Variants in MYOF observed in about 807,000 individuals in gnomAD.
MYOF encodes myoferlin, also known as fer-1-like 3, myoferlin.
A neutral mutation model predicts 284.2 loss-of-function variants in MYOF; 244 were observed. That is an observed-to-expected ratio of 0.86 (90% CI 0.77 to 0.95). The LOEUF (loss-of-function observed/expected upper bound fraction) is 0.95, where lower values mean the gene tolerates loss of function less well. MYOF is among the 40% of genes least tolerant of loss of function. The pLI is 0.00. For synonymous variants in MYOF, 904 were observed against 919.7 expected, an observed-to-expected ratio of 0.98 and a Z score of 0.31; for missense variants, 2,496 against 2,560.6, an observed-to-expected ratio of 0.97 and a Z score of 0.54.
chr10:93,399,883 C>CA (rs11443672), intron 12 of MYOF, among the ~76,000 whole-genome samples: 145,407 of 152,012 alleles, frequency 0.96, 69,867 homozygotes, highest in East Asian at 1. Context: ...AACAAACAAA[C>CA]AAAATTAGCC....
rs1221877543 is a variant in MYOF, at chr10:93,310,192, C to G, written c.6000-25G>C. ...ACTGCATTGCAAAGAAACAGTATCA[C>G]CTACCCAACTCAGGAGGGATGCATA... On this transcript the variant is annotated intron_variant, in intron 52 of 53. Transcript: ENST00000359263. The G allele has an allele frequency of 3.1e-6, 5 of 1,611,678 alleles. No individual in the cohort carries two copies. In the African/African-American group the frequency reaches 6.7e-5, roughly 22 times the overall value.
intron 4 of MYOF, among the ~76,000 whole-genome samples, chr10:93,427,818 A>G (rs994314706): frequency 6.6e-6 from 1 of 151,830 alleles, no homozygotes; most frequent in Non-Finnish European, 1.5e-5. Context: ...AAGAGCTGAG[A>G]TCAATTTCTC....
At chr10:93,374,559 C>A (rs1294935543) in intron 23 of MYOF, among the ~76,000 whole-genome samples, 1 of 152,190 alleles carries the variant, frequency 6.6e-6, no homozygotes, top group African/African-American at 2.4e-5. Flanking sequence ...ATCACCAACT[C>A]AAAATTCTTC....
chr10:93,417,232 C>T (rs562726015), intron 5 of MYOF, among the ~76,000 whole-genome samples: 4 of 152,312 alleles, frequency 2.6e-5, no homozygotes, highest in South Asian at 4.1e-4. Flanking sequence ...GACCTGTCTC[C>T]TTTCTGAATA....
intron 52 of MYOF, 46 bp downstream of exon 52, chr10:93,310,488 A>C (rs1458491043): frequency 6.3e-7 from 1 of 1,578,070 alleles, no homozygotes; most frequent in Non-Finnish European, 8.7e-7. Context: ...GGGGGCTCTC[A>C]GCCTGCAGGT....
In MYOF at chr10:93,341,280, C is replaced by CTTT. The variant is rs35414380; in HGVS notation, c.4327-1119_4327-1117dup. Among the ~76,000 whole-genome samples the CTTT allele has an allele frequency of 7.2e-4, 104 of 145,400 alleles. 1 individual carries two copies. In the South Asian group the frequency reaches 8.7e-3, roughly 12 times the overall value. ...AAATAATAGTTCATGATTTAAAAGGCTTTTTTTTTTTTCAGACTAAGTTTT... is the reference window on the plus strand; with the variant it reads ...AAATAATAGTTCATGATTTAAAAGGCTTTTTTTTTTTTTTTCAGACTAAGTTTT... On this transcript the variant is annotated intron_variant, in intron 38 of 53. Coordinates refer to ENST00000359263, the MANE Select transcript of MYOF (RefSeq NM_013451.4).
At chr10:93,367,734 C>T (rs572424734) in intron 25 of MYOF, among the ~76,000 whole-genome samples, 256 of 151,468 alleles carry the variant, frequency 1.7e-3, no homozygotes, top group Non-Finnish European at 3.0e-3. Context: ...CTTTAGTCAG[C>T]AGGACTGGGG....
chr10:93,345,545 A>G (rs1844150033), intron 37 of MYOF, among the ~76,000 whole-genome samples: 1 of 152,282 alleles, frequency 6.6e-6, no homozygotes, highest in East Asian at 1.9e-4. Context: ...TAGACCTGTA[A>G]GCAGTCTCTA....
At chr10:93,453,273 C>A (rs912955418) in intron 2 of MYOF, among the ~76,000 whole-genome samples, 1 of 152,142 alleles carries the variant, frequency 6.6e-6, no homozygotes, top group African/African-American at 2.4e-5. Context: ...TCAAGCAATT[C>A]TCCTGTCTCA....
At chr10:93,360,403 C>T (rs1161153091) in intron 28 of MYOF, among the ~76,000 whole-genome samples, 2 of 152,208 alleles carry the variant, frequency 1.3e-5, no homozygotes, top group African/African-American at 4.8e-5. Context: ...GCCCAATTTC[C>T]CCACTGTAAA....
chr10:93,366,405 C>T lies in MYOF; in HGVS notation c.2740G>A (p.Asp914Asn), dbSNP rs1845328938. The T allele has an allele frequency of 6.2e-7, 1 of 1,612,004 alleles. No individual in the cohort carries two copies. The highest frequency in any genetic ancestry group is 1.1e-5 in the South Asian group (1 of 90,502). Residue 914 changes from aspartate to asparagine, a missense_variant, in exon 26 of 54, where the codon GAT (aspartate) becomes AAT (asparagine). Physicochemically the swap from Asp to Asn is conservative, Grantham distance 23. Around this residue, in one of 3 missense-constraint regions of MYOF, gnomAD observed 2,436 missense variants for 2,480.7 expected, o/e 0.98. Transcript: ENST00000359263. The part of the protein sequence containing the change: ...GWEWEGEWIV[D>N]PERSLLTEAD... ...TGGACAACTTACCTTCTTTCAGGAT[C>T]AACTATCCACTCTCCTTCCCATTCC...
intron 25 of MYOF, among the ~76,000 whole-genome samples, chr10:93,366,910 G>A (rs907783230): frequency 2.8e-5 from 4 of 141,702 alleles, no homozygotes; most frequent in Non-Finnish European, 4.9e-5. Context: ...AAGATAGTTC[G>A]CGAACCTTAT....
At position 93,374,877 on chromosome 10, in the gene MYOF, A is replaced by G; in HGVS notation, c.2187T>C (p.Ser729=). 1.2e-6 allele frequency: 2 copies of G among 1,614,182 alleles called. No individual in the cohort carries two copies. The highest frequency in any genetic ancestry group is 1.7e-6 in the Non-Finnish European group (2 of 1,180,018). Residue 729 remains serine (S), a synonymous_variant, in exon 23 of 54, where the codon TCT becomes TCC. Transcript: ENST00000359263. ...DTQIRKLRSR[S]LSQIHEAAVR... ...CAGCCGCCTCATGTATTTGGGAGAG[A>G]GACCTGGACCGCAGCTTTCGGATCT...
chr10:93,399,562 G>C (rs993930086), intron 12 of MYOF, 67 bp from the exon 13 acceptor site: 2 of 1,139,556 alleles, frequency 1.8e-6, no homozygotes, highest in African/African-American at 3.1e-5. Flanking sequence ...AATTTTAAAA[G>C]TTCTCTTATA....
At chr10:93,438,623 A>C (rs1325954525) in intron 3 of MYOF, among the ~76,000 whole-genome samples, 1 of 152,106 alleles carries the variant, frequency 6.6e-6, no homozygotes, top group African/African-American at 2.4e-5. Context: ...AGTCCGAGAA[A>C]CAATGGTCTA....
intron 7 of MYOF, among the ~76,000 whole-genome samples, chr10:93,407,790 C>T (rs1383174831): frequency 6.6e-6 from 1 of 151,606 alleles, no homozygotes; most frequent in African/African-American, 2.4e-5. Context: ...ACAAACAAAG[C>T]CCCTGTGTGC....
chr10:93,419,108 G>A (rs999059739), intron 5 of MYOF, among the ~76,000 whole-genome samples: 1 of 152,174 alleles, frequency 6.6e-6, no homozygotes, highest in Non-Finnish European at 1.5e-5. Flanking sequence ...ACTTCTGAAT[G>A]AGCCAGGAGC....
At chr10:93,307,627 T>A (rs1431484620) in intron 53 of MYOF, among the ~76,000 whole-genome samples, 1 of 119,146 alleles carries the variant, frequency 8.4e-6, no homozygotes, top group South Asian at 2.5e-4. Context: ...CCAATAGAAT[T>A]TTTTTTTTTT....
intron 45 of MYOF, among the ~76,000 whole-genome samples, chr10:93,327,473 C>A (rs1234667514): frequency 6.6e-6 from 1 of 152,098 alleles, no homozygotes; most frequent in African/African-American, 2.4e-5. Flanking sequence ...TGAGCCCGTC[C>A]TGAATTCCTG....
Sources: allele counts gnomAD v4.1 joint callset (sites outside exome capture counted in the v4.1 genomes callset), GRCh38; gene constraint gnomAD v4.1.1; regional missense constraint gnomAD v4.1.1; transcripts MANE v1.5; gene names NCBI Gene and HGNC (gene_info 2026-07-23, HGNC 2026-07-21).